ZMYND11: variants seen among roughly 807,000 people sequenced by gnomAD.
ZMYND11 encodes the protein zinc finger MYND-type containing 11.
In ZMYND11, 9 loss-of-function variants were observed where a neutral mutation model predicts 84.9. The ratio of observed to expected loss-of-function variants is 0.11; its 90% CI spans 0.06 to 0.18. ZMYND11 has a LOEUF of 0.18. Ranked by LOEUF, ZMYND11 falls within the 10% of genes least tolerant of loss-of-function variation. The probability of loss-of-function intolerance (pLI) is 1.00; values close to 1 mark genes in which losing one functional copy is unlikely to be tolerated. For missense variants in ZMYND11, 409 were observed against 761.0 expected (o/e 0.54, Z 5.44); for synonymous variants, 250 against 244.1 (o/e 1.02, Z -0.23).
At chr10:207,926 A>ATGG (rs1944480099) in intron 2 of ZMYND11, among the ~76,000 whole-genome samples, 2 of 152,228 alleles carry the variant, frequency 1.3e-5, no homozygotes, top group South Asian at 2.1e-4. Context: ...CCAAAACAGC[A>ATGG]TGGTACTGGT....
intron 1 of ZMYND11, among the ~76,000 whole-genome samples, chr10:164,594 T>C (rs1316438679): frequency 6.6e-6 from 1 of 152,150 alleles, no homozygotes; most frequent in Non-Finnish European, 1.5e-5. Flanking sequence ...AAATCATCCA[T>C]TGTGCAAGTG....
chr10:162,285 G>A (rs2131510203), intron 1 of ZMYND11, among the ~76,000 whole-genome samples: 1 of 152,260 alleles, frequency 6.6e-6, no homozygotes, highest in East Asian at 1.9e-4. Context: ...TAACAGCAAA[G>A]ATCACTGATC....
chr10:144,640 CTTTTTTTTTT>C (rs11348115), intron 1 of ZMYND11, among the ~76,000 whole-genome samples: 1 of 110,062 alleles, frequency 9.1e-6, no homozygotes, highest in Non-Finnish European at 1.8e-5. Flanking sequence ...GTCTGAATTC[CTTTTTTTTTT>C]TTTTTTTTTT....
chr10:203,467 A>G (rs1317049122), intron 2 of ZMYND11, among the ~76,000 whole-genome samples: 1 of 152,206 alleles, frequency 6.6e-6, no homozygotes, highest in Non-Finnish European at 1.5e-5. Flanking sequence ...ATAAATGAGC[A>G]TATGTACCAA....
chr10:180,180 G>A (rs1588695093), intron 2 of ZMYND11, 52 bp downstream of exon 2: 1 of 1,481,680 alleles, frequency 6.7e-7, no homozygotes, highest in East Asian at 2.3e-5. Context: ...GAAGACTTTG[G>A]GGGAAAGGCC....
chr10:242,100 A>ATCAAGT lies in ZMYND11; in HGVS notation c.912_917dup (p.Gln305_Val306dup), dbSNP rs1463187229. The ATCAAGT allele has an allele frequency of 6.2e-6, 10 of 1,614,034 alleles. No homozygotes were observed. The highest frequency in any genetic ancestry group is 1.6e-4 in the Middle Eastern group (1 of 6,062). On this transcript the variant is annotated inframe_insertion, in exon 10 of 15. Transcript: ENST00000381604. ...GCCAAAGTCATGCAGAAAGAAGACA[A>ATCAAGT]TCAAGTCGACGTTCGCTTCTTTGGC...
chr10:189,581 C>T (rs962639381), intron 2 of ZMYND11, among the ~76,000 whole-genome samples: 2 of 152,008 alleles, frequency 1.3e-5, no homozygotes, highest in African/African-American at 4.8e-5. Context: ...TTATTGTATA[C>T]AATAATGGCC....
At chr10:136,324 T>C (rs1836043965) in intron 1 of ZMYND11, among the ~76,000 whole-genome samples, 1 of 152,206 alleles carries the variant, frequency 6.6e-6, no homozygotes, top group African/African-American at 2.4e-5. Context: ...GCTGGCGATG[T>C]GTGCGCCGTG....
chr10:250,579 TC>T (rs1357622551), intron 14 of ZMYND11, among the ~76,000 whole-genome samples: 1 of 152,194 alleles, frequency 6.6e-6, no homozygotes, highest in Non-Finnish European at 1.5e-5. Flanking sequence ...TATAATACTG[TC>T]TTTTGTAGCA....
chr10:233,569 A>C (rs1949399399), intron 4 of ZMYND11, among the ~76,000 whole-genome samples: 1 of 152,190 alleles, frequency 6.6e-6, no homozygotes, highest in Non-Finnish European at 1.5e-5. Context: ...GTAGTTATGA[A>C]GGTAATATCT....
chr10:170,394 G>A (rs782661327), intron 1 of ZMYND11, among the ~76,000 whole-genome samples: 7 of 151,312 alleles, frequency 4.6e-5, no homozygotes, highest in East Asian at 1.9e-4. Context: ...TAATTTTTTC[G>A]AAACAATAAT....
chr10:174,458 G>A (rs1554766431), intron 1 of ZMYND11, among the ~76,000 whole-genome samples: 1 of 152,226 alleles, frequency 6.6e-6, no homozygotes, highest in Non-Finnish European at 1.5e-5. Flanking sequence ...TTCTGTATGG[G>A]CACTACCGTG....
At chr10:164,685 T>G (rs1367582361) in intron 1 of ZMYND11, among the ~76,000 whole-genome samples, 3 of 152,168 alleles carry the variant, frequency 2.0e-5, no homozygotes, top group African/African-American at 7.2e-5. Flanking sequence ...GGGAAGTGCA[T>G]TGTCCTAATT....
intron 2 of ZMYND11, among the ~76,000 whole-genome samples, chr10:198,474 C>T (rs1049311679): frequency 6.6e-6 from 1 of 152,028 alleles, no homozygotes; most frequent in Non-Finnish European, 1.5e-5. Context: ...AATCTTTACA[C>T]TGTATCTATA....
intron 2 of ZMYND11, among the ~76,000 whole-genome samples, chr10:201,866 C>T (rs1478137348): frequency 6.6e-6 from 1 of 152,142 alleles, no homozygotes; most frequent in East Asian, 1.9e-4. Context: ...CATGCCATTT[C>T]CTGACCTGCG....
intron 9 of ZMYND11, 48 bp from the exon 10 acceptor site, chr10:241,972 AT>A: frequency 6.3e-7 from 1 of 1,591,024 alleles, no homozygotes; most frequent in Non-Finnish European, 8.6e-7. Context: ...GTACACTTGC[AT>A]TTAATACTTT....
chr10:156,021 A>C lies in ZMYND11; in HGVS notation c.-20+20462A>C, dbSNP rs543778488. ...ATGAGTGCAAAAGCCTGACCATTTA[A>C]TTTACAGCAGGGATTTTTCAAGTGT... is the stretch of plus-strand genomic sequence containing the variant. On this transcript the variant is annotated intron_variant, in intron 1 of 14. Transcript: ENST00000381604. 2.8e-4 allele frequency among the ~76,000 whole-genome samples: 43 copies of C among 152,354 alleles called. No homozygotes were observed. In the South Asian group the frequency reaches 8.5e-3, roughly 30 times the overall value.
chr10:238,397 C>T (rs928073998), intron 6 of ZMYND11, among the ~76,000 whole-genome samples: 1 of 151,920 alleles, frequency 6.6e-6, no homozygotes, highest in African/African-American at 2.4e-5. Flanking sequence ...CACTCTGTCG[C>T]CCAGGCTGGA....
At chr10:171,338 A>G (rs1267371318) in intron 1 of ZMYND11, among the ~76,000 whole-genome samples, 7 of 152,196 alleles carry the variant, frequency 4.6e-5, no homozygotes, top group African/African-American at 1.7e-4. Context: ...ACATCTATAG[A>G]TTACATTATT....
Sources: gnomAD v4.1 joint callset for allele counts (sites outside exome capture counted in the v4.1 genomes callset) on GRCh38, gnomAD v4.1.1 for gene constraint, MANE v1.5 for transcripts, NCBI Gene and HGNC (gene_info 2026-07-23, HGNC 2026-07-21) for gene names.